ETF1: variants seen among roughly 807,000 people sequenced by gnomAD.
ETF1 encodes the protein eukaryotic peptide chain release factor subunit 1.
ETF1 carries 4 observed loss-of-function variants against 55.1 expected under a neutral mutation model. The ratio of observed to expected loss-of-function variants is 0.07; its 90% CI spans 0.04 to 0.17. ETF1 has a LOEUF of 0.17. Among genes scored for constraint, ETF1 ranks in the 10% least tolerant of loss-of-function variants. ETF1 has a pLI of 1.00. For missense variants in ETF1, 142 were observed against 523.6 expected (o/e 0.27, Z 7.11); for synonymous variants, 157 against 182.3 (o/e 0.86, Z 1.12).
At chr5:138,508,571 A>T in intron 10 of ETF1, 98 bp downstream of exon 10, 3 of 1,562,700 alleles carry the variant, frequency 1.9e-6, no homozygotes, top group Non-Finnish European at 2.6e-6. Flanking sequence ...ATCCCAGCAG[A>T]TAATAAGCAC....
chr5:138,541,429 C>A, intron 2 of ETF1: 3 of 850,704 alleles, frequency 3.5e-6, no homozygotes, highest in Non-Finnish European at 5.7e-6. Flanking sequence ...GAGCACAAGC[C>A]CGTCACTGAA....
intron 9 of ETF1, 72 bp from the exon 10 acceptor site, chr5:138,508,888 C>T (rs1764655435): frequency 2.6e-6 from 4 of 1,551,000 alleles, no homozygotes; most frequent in Admixed American, 3.8e-5. Flanking sequence ...CCTCTCACAG[C>T]CCCTTGCCCA....
intron 2 of ETF1, chr5:138,529,457 A>C: frequency 3.3e-6 from 1 of 303,934 alleles, no homozygotes; most frequent in Non-Finnish European, 4.8e-6. Flanking sequence ...TACTATCCCT[A>C]TACTCCTCTT....
At chr5:138,526,893 G>T (rs154075) in intron 2 of ETF1, among the ~76,000 whole-genome samples, 73,417 of 151,862 alleles carry the variant, frequency 0.48, 19,907 homozygotes, top group Non-Finnish European at 0.6. Flanking sequence ...GTAGAGATGG[G>T]GTTTCACCAT....
chr5:138,517,703 G>A lies in ETF1; in HGVS notation c.263-3C>T. The A allele has an allele frequency of 6.9e-7, 1 of 1,458,180 alleles. No homozygotes were observed. Among genetic ancestry groups the A allele is most frequent in the Non-Finnish European group, 9.2e-7 (1 of 1,087,946 alleles). The allele number at this position is 1,458,180 out of a possible 1,614,324, so 90.3% of individuals were successfully genotyped here. A position where few individuals can be genotyped will look rare whatever the true frequency, so the allele number is the denominator to read the frequency against. ...TACAACCAGACCATTTGGAGGTACT[G>A]CAAAGAACACAAACAATTTTTCTAC... On this transcript the variant is annotated splice_polypyrimidine_tract_variant and splice_region_variant and intron_variant, in intron 3 of 10. Transcript: ENST00000360541.
At chr5:138,532,449 T>A (rs369552723) in intron 2 of ETF1, among the ~76,000 whole-genome samples, 2 of 152,284 alleles carry the variant, frequency 1.3e-5, no homozygotes, top group East Asian at 1.9e-4. Flanking sequence ...GTCAAGTGCC[T>A]AGCTTGGAGA....
intron 2 of ETF1, among the ~76,000 whole-genome samples, chr5:138,532,020 T>TG (rs2127118340): frequency 6.6e-6 from 1 of 151,808 alleles, no homozygotes; most frequent in South Asian, 2.1e-4. Flanking sequence ...CACTCCAACT[T>TG]GGGCGACAGA....
chr5:138,514,116 G>C (rs1198404725), intron 4 of ETF1: 1 of 156,966 alleles, frequency 6.4e-6, no homozygotes, highest in Non-Finnish European at 1.4e-5. Flanking sequence ...TGTCAAAAAA[G>C]GACAAATACT....
At position 138,527,128 on chromosome 5, in the gene ETF1, T is replaced by C. The variant is rs982131199; in HGVS notation, c.87-8261A>G. On this transcript the variant is annotated intron_variant, in intron 2 of 10. Transcript: ENST00000360541. ...CTAGGATTACAGGTGTGAGCCACTG[T>C]ACCCGGCCCAGAAAACAGTTTTCTT... Among the ~76,000 whole-genome samples, 10 of 152,316 alleles carry C rather than the reference T, an allele frequency of 6.6e-5. No individual in the cohort carries two copies. The South Asian group carries it at 1.9e-3, about 28-fold the overall frequency.
chr5:138,539,160 T>C (rs1328665215), intron 2 of ETF1, among the ~76,000 whole-genome samples: 1 of 152,208 alleles, frequency 6.6e-6, no homozygotes, highest in African/African-American at 2.4e-5. Context: ...TGAAGACATT[T>C]TAACACCCAC....
intron 2 of ETF1, among the ~76,000 whole-genome samples, chr5:138,520,725 C>T (rs988917741): frequency 6.6e-6 from 1 of 152,082 alleles, no homozygotes; most frequent in Non-Finnish European, 1.5e-5. Flanking sequence ...GAGGCTGAGG[C>T]AGGAATATCA....
At chr5:138,511,451 TAAG>T in intron 7 of ETF1, 21 bp downstream of exon 7, 1 of 1,610,594 alleles carries the variant, frequency 6.2e-7, no homozygotes. Flanking sequence ...TTTCACAGAA[TAAG>T]TAGTTGCATT....
intron 10 of ETF1, 40 bp downstream of exon 10, chr5:138,508,629 G>GAC (rs1367274117): frequency 6.2e-7 from 1 of 1,609,960 alleles, no homozygotes. Flanking sequence ...CTTGACCTGA[G>GAC]ACCCTGGTTT....
intron 2 of ETF1, among the ~76,000 whole-genome samples, chr5:138,532,473 G>C (rs1360300219): frequency 6.6e-6 from 1 of 152,142 alleles, no homozygotes; most frequent in Admixed American, 6.6e-5. Flanking sequence ...GATAGTAACT[G>C]ATCACTAAAT....
At chr5:138,516,443 C>A (rs1472026186) in intron 4 of ETF1, among the ~76,000 whole-genome samples, 2 of 152,118 alleles carry the variant, frequency 1.3e-5, no homozygotes, top group Admixed American at 1.3e-4. Context: ...TTGGGACAGG[C>A]CTGGCCAACA....
At chr5:138,513,138 A>C in intron 5 of ETF1, 184 bp from the exon 6 acceptor site, 1 of 985,404 alleles carries the variant, frequency 1.0e-6, no homozygotes, top group Non-Finnish European at 1.2e-6. Flanking sequence ...AGTCTATGTC[A>C]AGAGAGGAGC....
chr5:138,523,786 G>T (rs551318607), intron 2 of ETF1, among the ~76,000 whole-genome samples: 1 of 152,172 alleles, frequency 6.6e-6, no homozygotes, highest in Admixed American at 6.5e-5. Flanking sequence ...AAGGGGAAAG[G>T]CTGGGCGAGG....
intron 2 of ETF1, among the ~76,000 whole-genome samples, chr5:138,525,436 G>T (rs1405160675): frequency 6.7e-6 from 1 of 149,472 alleles, no homozygotes; most frequent in African/African-American, 2.5e-5. Flanking sequence ...GATTACAGGC[G>T]TGAGCCACCA....
chr5:138,533,601 G>A (rs1765792303), intron 2 of ETF1, among the ~76,000 whole-genome samples: 1 of 152,104 alleles, frequency 6.6e-6, no homozygotes, highest in Non-Finnish European at 1.5e-5. Flanking sequence ...CAGAAGAATC[G>A]CTTAAACCTG....
Sources: allele counts gnomAD v4.1 joint callset (sites outside exome capture counted in the v4.1 genomes callset), GRCh38; gene constraint gnomAD v4.1.1; transcripts MANE v1.5; gene names NCBI Gene and HGNC (gene_info 2026-07-23, HGNC 2026-07-21).